Variants in RORA observed in about 807,000 individuals in gnomAD.
The protein encoded by RORA is RAR related orphan receptor A.
Under a neutral mutation model 69.5 loss-of-function variants are expected in RORA, and 7 were observed. That is an observed-to-expected ratio of 0.10 (90% confidence interval 0.06 to 0.19). RORA has a LOEUF of 0.19. RORA is among the 10% of genes least tolerant of loss of function. RORA has a pLI of 1.00. For synonymous variants in RORA, 261 were observed against 240.8 expected (o/e 1.08, Z -0.78); for missense variants, 457 against 663.0 (o/e 0.69, Z 3.41).
intron 3 of RORA, among the ~76,000 whole-genome samples, chr15:60,520,759 A>G (rs1392761855): frequency 1.3e-5 from 2 of 152,214 alleles, no homozygotes; most frequent in Middle Eastern, 3.2e-3. Flanking sequence ...GAGCTGGGAA[A>G]GGTATCAAGT....
intron 1 of RORA, among the ~76,000 whole-genome samples, chr15:60,852,863 T>A (rs1347766383): frequency 6.6e-6 from 1 of 151,532 alleles, no homozygotes; most frequent in Admixed American, 6.6e-5. Context: ...AAAAAAAAAA[T>A]TCAAGTGCCT....
At chr15:60,802,046 C>A (rs1407543395) in intron 1 of RORA, among the ~76,000 whole-genome samples, 1 of 152,138 alleles carries the variant, frequency 6.6e-6, no homozygotes, top group Non-Finnish European at 1.5e-5. Context: ...AATGAATGGT[C>A]TGGCACCAGA....
chr15:60,760,076 A>G (rs1202682558), intron 1 of RORA, among the ~76,000 whole-genome samples: 1 of 152,060 alleles, frequency 6.6e-6, no homozygotes, highest in Admixed American at 6.6e-5. Context: ...AAAAAGTTCA[A>G]TTTGTATGTG....
intron 2 of RORA, among the ~76,000 whole-genome samples, chr15:60,586,594 T>A (rs962808059): frequency 6.6e-6 from 1 of 152,126 alleles, no homozygotes; most frequent in Non-Finnish European, 1.5e-5. Context: ...GGATTAAAAG[T>A]ACAAAGGAGA....
chr15:61,049,152 CTTG>C (rs1277003784), intron 1 of RORA, among the ~76,000 whole-genome samples: 3 of 152,204 alleles, frequency 2.0e-5, no homozygotes, highest in Non-Finnish European at 2.9e-5. Context: ...CCACAATTCT[CTTG>C]TTGTCGTCAA....
At chr15:61,205,839 G>A (rs543099585) in intron 1 of RORA, among the ~76,000 whole-genome samples, 14 of 152,240 alleles carry the variant, frequency 9.2e-5, no homozygotes, top group African/African-American at 3.4e-4. Flanking sequence ...CAGGGTGCTG[G>A]GGCTGTTACG....
intron 1 of RORA, among the ~76,000 whole-genome samples, chr15:60,801,959 T>C (rs2072588514): frequency 6.6e-6 from 1 of 152,204 alleles, no homozygotes; most frequent in Admixed American, 6.5e-5. Context: ...AGGTAGGAAA[T>C]GAATTACTGA....
In RORA at chr15:60,584,892, T is replaced by C. The variant is rs1181332851; in HGVS notation, c.197-53041A>G. Among the ~76,000 whole-genome samples, 7 of 152,250 alleles carry C rather than the reference T, an allele frequency of 4.6e-5. No homozygotes were observed. The South Asian group carries it at 1.5e-3, about 32-fold the overall frequency. On this transcript the variant is annotated intron_variant, in intron 2 of 10. Transcript: ENST00000335670. ...CTGAAACTTAACCACAAGTCTTCAC[T>C]TCTGAACCACTGCCTTATTTCTATG...
At chr15:60,979,772 T>C (rs909052416) in intron 1 of RORA, among the ~76,000 whole-genome samples, 2 of 152,066 alleles carry the variant, frequency 1.3e-5, no homozygotes, top group African/African-American at 4.8e-5. Context: ...CTTTAGGATT[T>C]TTTAGAAAAT....
chr15:60,995,566 A>G (rs1894507340), intron 1 of RORA, among the ~76,000 whole-genome samples: 1 of 152,020 alleles, frequency 6.6e-6, no homozygotes, highest in Non-Finnish European at 1.5e-5. Flanking sequence ...TAAAAAGCCT[A>G]TAGCACAAGG....
chr15:60,935,785 A>C lies in RORA; in HGVS notation c.167-257099T>G, dbSNP rs144827687. On this transcript the variant is annotated intron_variant, in intron 1 of 10. Coordinates refer to ENST00000335670, the MANE Select transcript of RORA (RefSeq NM_134261.3). ...TGCTTTGGAGGAGGTGGACTTCAAC[A>C]GCCAGATGCTGCACAAATGATCAGC... Among the ~76,000 whole-genome samples the C allele has an allele frequency of 5.3e-5, 8 of 152,370 alleles. No homozygotes were observed. The East Asian group carries it at 1.5e-3, about 29-fold the overall frequency.
intron 1 of RORA, among the ~76,000 whole-genome samples, chr15:60,911,753 G>T (rs539456661): frequency 2.3e-4 from 35 of 149,576 alleles, no homozygotes; most frequent in Admixed American, 2.2e-3. Flanking sequence ...AGGCTGGAGT[G>T]CAATGGTGCA....
intron 1 of RORA, among the ~76,000 whole-genome samples, chr15:60,933,130 C>T (rs1250910016): frequency 6.6e-6 from 1 of 152,178 alleles, no homozygotes; most frequent in Non-Finnish European, 1.5e-5. Context: ...TATTACCCAT[C>T]CCAATTTCAT....
At chr15:60,964,834 G>A (rs1893507679) in intron 1 of RORA, among the ~76,000 whole-genome samples, 1 of 152,206 alleles carries the variant, frequency 6.6e-6, no homozygotes, top group Non-Finnish European at 1.5e-5. Flanking sequence ...GGCTGGAGTG[G>A]CCACTGAGAG....
chr15:61,168,854 A>G (rs767020405), intron 1 of RORA, among the ~76,000 whole-genome samples: 2 of 152,016 alleles, frequency 1.3e-5, no homozygotes, highest in African/African-American at 2.4e-5. Context: ...CATGGGTGTA[A>G]TGCTTACCTC....
intron 1 of RORA, among the ~76,000 whole-genome samples, chr15:60,914,164 TAC>T (rs754093761): frequency 1.3e-5 from 2 of 152,220 alleles, no homozygotes; most frequent in Non-Finnish European, 2.9e-5. Flanking sequence ...TGCTGTACTT[TAC>T]ACAGTCAGGG....
chr15:60,519,309 C>T (rs1406724926), intron 3 of RORA, among the ~76,000 whole-genome samples: 2 of 152,130 alleles, frequency 1.3e-5, no homozygotes, highest in Non-Finnish European at 2.9e-5. Context: ...TTGTGTCATT[C>T]ACTTGTGACA....
intron 2 of RORA, among the ~76,000 whole-genome samples, chr15:60,641,200 C>T (rs898652646): frequency 2.6e-5 from 4 of 152,144 alleles, no homozygotes; most frequent in African/African-American, 9.7e-5. Flanking sequence ...GACTCGTCTG[C>T]CTCAGCCTCC....
At chr15:61,194,991 CTGT>C (rs5813082) in intron 1 of RORA, among the ~76,000 whole-genome samples, 123,248 of 151,104 alleles carry the variant, frequency 0.82, 51,766 homozygotes, top group Non-Finnish European at 0.93. Flanking sequence ...CCTTTAGTTG[CTGT>C]TGTTGTTAAT....
Sources: gnomAD v4.1 joint callset for allele counts (sites outside exome capture counted in the v4.1 genomes callset) on GRCh38, gnomAD v4.1.1 for gene constraint, MANE v1.5 for transcripts, NCBI Gene and HGNC (gene_info 2026-07-23, HGNC 2026-07-21) for gene names.